Variants in ATF7IP observed in about 807,000 individuals in gnomAD.
The protein encoded by ATF7IP is activating transcription factor 7 interacting protein.
ATF7IP carries 23 observed loss-of-function variants against 106.4 expected under a neutral mutation model. That is an observed-to-expected ratio of 0.22 (90% confidence interval 0.16 to 0.31). ATF7IP has a LOEUF of 0.31. Among genes scored for constraint, ATF7IP ranks in the 10% least tolerant of loss-of-function variants. The pLI, the probability that ATF7IP is intolerant of heterozygous loss-of-function variation, is 1.00. For missense variants in ATF7IP, 1,334 were observed against 1,524.3 expected (o/e 0.88, Z 2.08); for synonymous variants, 542 against 539.0 (o/e 1.01, Z -0.08).
At chr12:14,451,445 C>T (rs1192309715) in intron 6 of ATF7IP, among the ~76,000 whole-genome samples, 1 of 151,902 alleles carries the variant, frequency 6.6e-6, no homozygotes, top group African/African-American at 2.4e-5. Flanking sequence ...TTTTTCCCCT[C>T]TAGTTCTTTG....
At chr12:14,476,945 A>G (rs902761074) in intron 11 of ATF7IP, among the ~76,000 whole-genome samples, 1 of 152,200 alleles carries the variant, frequency 6.6e-6, no homozygotes, top group Admixed American at 6.5e-5. Flanking sequence ...TGCTGAGTTT[A>G]AAGTTAAATT....
At chr12:14,375,669 C>G (rs578092938) in intron 1 of ATF7IP, among the ~76,000 whole-genome samples, 54 of 152,308 alleles carry the variant, frequency 3.5e-4, no homozygotes, top group African/African-American at 1.3e-3. Flanking sequence ...AGTGTCTCCT[C>G]TCAGTGTTCT....
rs1486355975 is a variant in ATF7IP at position 14,460,735 on chromosome 12, G to A, written c.2399G>A (p.Ser800Asn). The change falls in exon 9 of 15, where the codon AGC becomes AAC. Residue 800 changes from serine to asparagine, a missense_variant. Ser to Asn is a conservative substitution (Grantham distance 46). Coordinates refer to ENST00000261168, the MANE Select transcript of ATF7IP (RefSeq NM_018179.5). ...TCCTCCCAGCCTCAGCTTCTACAGA[G>A]CCATCCAGGGACTTTGGTGACTAAT... ...AVSSQPQLLQ[S>N]HPGTLVTNQP... is the part of the protein sequence containing the mutation. The A allele has an allele frequency of 6.2e-7, 1 of 1,614,060 alleles. No individual in the cohort carries two copies. The highest frequency in any genetic ancestry group is 1.7e-5 in the Admixed American group (1 of 59,994).
chr12:14,430,804 G>T (rs2136587743), intron 2 of ATF7IP, among the ~76,000 whole-genome samples: 1 of 152,222 alleles, frequency 6.6e-6, no homozygotes, highest in South Asian at 2.1e-4. Flanking sequence ...ACATAGCTAT[G>T]GTAATTTGTT....
In ATF7IP at chr12:14,475,901, C is replaced by T; in HGVS notation, c.2874C>T (p.Ala958=). Residue 958 remains alanine (A), a synonymous_variant, in exon 11 of 15, where the codon GCC becomes GCT. Coordinates refer to ENST00000261168, the MANE Select transcript of ATF7IP (RefSeq NM_018179.5). ...AADSTSQCGK[A]TGSDSSGVID... ...GTTTTGTTTTTCAGTGTGGAAAAGC[C>T]ACTGGCAGTGATTCAAGTGGTGTCA... The T allele has an allele frequency of 6.2e-7, 1 of 1,612,274 alleles. No homozygotes were observed. Among genetic ancestry groups the T allele is most frequent in the Non-Finnish European group, 8.5e-7 (1 of 1,179,418 alleles).
Position 14,501,170 on chromosome 12 carries a change from G to A in ATF7IP, c.*3097G>A, listed in dbSNP as rs1945150198. The A allele has an allele frequency of 6.6e-6, 1 of 152,176 alleles. No homozygotes were observed. Among genetic ancestry groups the A allele is most frequent in the South Asian group, 2.1e-4 (1 of 4,834 alleles). The allele number at this position is 152,176 out of a possible 1,614,324, so 9.4% of individuals were successfully genotyped here. A position where few individuals can be genotyped will look rare whatever the true frequency, so the allele number is the denominator to read the frequency against. On this transcript the variant is annotated 3_prime_UTR_variant, in exon 15 of 15. Coordinates refer to ENST00000261168, the MANE Select transcript of ATF7IP (RefSeq NM_018179.5). ...ACTGATAACAGACTTTCTAGTAGCA[G>A]TTTCCACTCCACGGTTACCTTTTTA...
chr12:14,446,921 G>GTT (rs544088884), intron 5 of ATF7IP, 67 bp from the exon 6 acceptor site: 447 of 842,424 alleles, frequency 5.3e-4, no homozygotes, highest in Middle Eastern at 1.0e-3. Flanking sequence ...TATATTCATG[G>GTT]TTTTTTTTTT....
intron 10 of ATF7IP, among the ~76,000 whole-genome samples, chr12:14,473,529 T>G (rs1944140663): frequency 6.6e-6 from 1 of 151,250 alleles, no homozygotes; most frequent in Middle Eastern, 3.2e-3. Context: ...AATATATTGT[T>G]TTTAATTTTT....
chr12:14,476,009 AT>A (rs752415053), intron 11 of ATF7IP, 41 bp downstream of exon 11: 138 of 1,467,838 alleles, frequency 9.4e-5, no homozygotes, highest in Middle Eastern at 1.7e-4. Context: ...TTTTGATACC[AT>A]TTTTTTTGTC....
intron 5 of ATF7IP, among the ~76,000 whole-genome samples, chr12:14,439,844 C>G (rs1159821597): frequency 4.6e-5 from 2 of 43,768 alleles, no homozygotes; most frequent in Non-Finnish European, 1.4e-4. Context: ...AAAATAAATC[C>G]ATCCATCCAT....
At chr12:14,394,139 T>C (rs1591782716) in intron 1 of ATF7IP, among the ~76,000 whole-genome samples, 2 of 152,216 alleles carry the variant, frequency 1.3e-5, no homozygotes, top group African/African-American at 4.8e-5. Flanking sequence ...TGTTAAACAA[T>C]ATACTTCTAA....
chr12:14,490,200 G>A (rs924010918), intron 13 of ATF7IP, among the ~76,000 whole-genome samples: 1 of 152,212 alleles, frequency 6.6e-6, no homozygotes, highest in Admixed American at 6.5e-5. Context: ...ACGGGTGGCT[G>A]CGGATAGAGG....
chr12:14,398,794 CAT>C (rs1464866311), intron 1 of ATF7IP, among the ~76,000 whole-genome samples: 1 of 151,540 alleles, frequency 6.6e-6, no homozygotes, highest in African/African-American at 2.4e-5. Flanking sequence ...TTTTATATGT[CAT>C]ATATAGGTTT....
At chr12:14,455,182 CAAA>C (rs71438317) in intron 6 of ATF7IP, among the ~76,000 whole-genome samples, 8 of 89,500 alleles carry the variant, frequency 8.9e-5, no homozygotes, top group Admixed American at 1.3e-4. Context: ...GACTCTATCT[CAAA>C]AAAAAAAAAA....
chr12:14,369,804 G>C (rs1938460853), intron 1 of ATF7IP, among the ~76,000 whole-genome samples: 1 of 151,900 alleles, frequency 6.6e-6, no homozygotes, highest in African/African-American at 2.4e-5. Flanking sequence ...CCATAGACTT[G>C]ATCCATTTCT....
intron 8 of ATF7IP, among the ~76,000 whole-genome samples, chr12:14,459,379 A>C (rs1372682196): frequency 6.6e-6 from 1 of 152,234 alleles, no homozygotes; most frequent in African/African-American, 2.4e-5. Flanking sequence ...ACCCCTATTC[A>C]AAGGTTGAGA....
At chr12:14,469,451 A>T (rs1393827684) in intron 10 of ATF7IP, among the ~76,000 whole-genome samples, 3 of 151,384 alleles carry the variant, frequency 2.0e-5, no homozygotes, top group East Asian at 1.9e-4. Flanking sequence ...TATGTAAAAT[A>T]CTCTTTCTGT....
intron 13 of ATF7IP, chr12:14,482,734 C>T (rs1309605061): frequency 6.6e-6 from 1 of 152,228 alleles, no homozygotes; most frequent in Non-Finnish European, 1.5e-5. Flanking sequence ...ATCCTTCAAT[C>T]AAGTTGACAT....
At chr12:14,431,884 G>A (rs762354605) in intron 2 of ATF7IP, among the ~76,000 whole-genome samples, 3 of 152,124 alleles carry the variant, frequency 2.0e-5, no homozygotes, top group African/African-American at 7.2e-5. Flanking sequence ...GGCCCTACCC[G>A]TCTCTGTAGA....
Sources: allele counts gnomAD v4.1 joint callset (sites outside exome capture counted in the v4.1 genomes callset), GRCh38; gene constraint gnomAD v4.1.1; transcripts MANE v1.5; gene names NCBI Gene and HGNC (gene_info 2026-07-23, HGNC 2026-07-21).